Variants in HCN1 observed in about 807,000 individuals in gnomAD.
HCN1 encodes hyperpolarization activated cyclic nucleotide gated potassium channel 1, also known as potassium/sodium hyperpolarization-activated cyclic nucleotide-gated channel 1.
Under a neutral mutation model 78.9 loss-of-function variants are expected in HCN1, and 13 were observed. The observed-to-expected ratio is 0.16, with a 90% CI of 0.11 to 0.26. The LOEUF is 0.26. HCN1 is among the 10% of genes least tolerant of loss of function. The pLI is 1.00. For missense variants in HCN1, 810 were observed against 1,154.3 expected (o/e 0.70, Z 4.32); for synonymous variants, 552 against 455.5 (o/e 1.21, Z -2.70).
intron 2 of HCN1, among the ~76,000 whole-genome samples, chr5:45,608,142 A>T (rs1247773285): frequency 6.6e-6 from 1 of 152,016 alleles, no homozygotes; most frequent in Admixed American, 6.6e-5. Flanking sequence ...TCAGTATTAA[A>T]TATTTTGGAA....
In HCN1 at chr5:45,645,736, A is replaced by T. The variant is rs76055011; in HGVS notation, c.426-128T>A. 0.085 allele frequency: 49,943 copies of T among 584,530 alleles called. 2,796 individuals carry two copies. The highest frequency in any genetic ancestry group is 0.15 in the Middle Eastern group (319 of 2,156). 36.2% of individuals were successfully genotyped at this position (584,530 alleles called of 1,614,324 possible). On this transcript the variant is annotated intron_variant, in intron 1 of 7. Coordinates refer to ENST00000303230, the MANE Select transcript of HCN1 (RefSeq NM_021072.4). ...GAACAAAGAAATGATTTTATTTTTT[A>T]AAAATGTAATTCCTTAAATGGCTAT...
intron 3 of HCN1, among the ~76,000 whole-genome samples, chr5:45,403,927 A>G (rs1739870836): frequency 6.6e-6 from 1 of 152,196 alleles, no homozygotes; most frequent in Admixed American, 6.6e-5. Context: ...AAATTTTGTA[A>G]GTGGAAGATT....
intron 4 of HCN1, among the ~76,000 whole-genome samples, chr5:45,369,065 A>T (rs1747296012): frequency 6.6e-6 from 1 of 150,812 alleles, no homozygotes; most frequent in Non-Finnish European, 1.5e-5. Flanking sequence ...AGATTTTTAC[A>T]TAAATGGAAT....
At chr5:45,625,379 C>T (rs947996554) in intron 2 of HCN1, among the ~76,000 whole-genome samples, 4 of 152,036 alleles carry the variant, frequency 2.6e-5, no homozygotes, top group Non-Finnish European at 4.4e-5. Flanking sequence ...TGTCAGTCTG[C>T]CATTTCCTAG....
At chr5:45,477,758 CA>C (rs1159992190) in intron 2 of HCN1, among the ~76,000 whole-genome samples, 1 of 151,880 alleles carries the variant, frequency 6.6e-6, no homozygotes, top group African/African-American at 2.4e-5. Flanking sequence ...ATGTAAAGGG[CA>C]TAACATGTCT....
chr5:45,307,012 A>T (rs1266574018), intron 5 of HCN1, among the ~76,000 whole-genome samples: 1 of 152,118 alleles, frequency 6.6e-6, no homozygotes, highest in East Asian at 1.9e-4. Flanking sequence ...TGAAAAAACA[A>T]ACAGAAAGAC....
rs192141852 is a variant in HCN1 at position 45,488,528 on chromosome 5, A to G, written c.850-26521T>C. 3.1e-4 allele frequency among the ~76,000 whole-genome samples: 47 copies of G among 152,240 alleles called. 1 individual carries two copies. In the East Asian group the frequency reaches 6.9e-3, roughly 22 times the overall value. On this transcript the variant is annotated intron_variant, in intron 2 of 7. Coordinates refer to ENST00000303230, the MANE Select transcript of HCN1 (RefSeq NM_021072.4). ...GTCAGTTGTGCTTTCATTGAATTCC[A>G]TATAATATTGCTTTAAAAGATATAC...
At chr5:45,318,836 A>T (rs1561104162) in intron 5 of HCN1, among the ~76,000 whole-genome samples, 1 of 151,970 alleles carries the variant, frequency 6.6e-6, no homozygotes, top group East Asian at 1.9e-4. Context: ...AATTTCTCAG[A>T]AGGCTCCTTT....
chr5:45,581,880 A>G (rs181554961), intron 2 of HCN1, among the ~76,000 whole-genome samples: 261 of 152,174 alleles, frequency 1.7e-3, no homozygotes, highest in African/African-American at 5.6e-3. Flanking sequence ...ATTGGTCTAT[A>G]TTTCTGCTTT....
chr5:45,294,364 G>A (rs551625783), intron 6 of HCN1, among the ~76,000 whole-genome samples: 17 of 152,022 alleles, frequency 1.1e-4, no homozygotes, highest in South Asian at 4.1e-4. Flanking sequence ...CACAGCTTGC[G>A]AAATGTCCAT....
chr5:45,579,270 C>G (rs979548712), intron 2 of HCN1, among the ~76,000 whole-genome samples: 1 of 151,988 alleles, frequency 6.6e-6, no homozygotes, highest in Non-Finnish European at 1.5e-5. Flanking sequence ...TAATAGCTGA[C>G]TCAGATCAGT....
At chr5:45,669,365 T>C (rs937688413) in intron 1 of HCN1, among the ~76,000 whole-genome samples, 7 of 151,816 alleles carry the variant, frequency 4.6e-5, no homozygotes, top group African/African-American at 1.7e-4. Flanking sequence ...AATGATAATG[T>C]GAACATTTTG....
chr5:45,401,913 A>T (rs1300012698), intron 3 of HCN1, among the ~76,000 whole-genome samples: 2 of 152,076 alleles, frequency 1.3e-5, no homozygotes, highest in East Asian at 1.9e-4. Context: ...CCTTGTTTAA[A>T]AAACAAGGAC....
rs894970775 is a variant in HCN1, at chr5:45,337,257, A to AT, written c.1377+15842dup. Among the ~76,000 whole-genome samples the AT allele has an allele frequency of 8.5e-5, 13 of 152,156 alleles. No individual in the cohort carries two copies. In the South Asian group the frequency reaches 1.0e-3, roughly 12 times the overall value. On this transcript the variant is annotated intron_variant, in intron 5 of 7. Transcript: ENST00000303230. ...TTCTTCTTAAAGTTAAAAAGAAACT[A>AT]TTTTTTCACATAAAAATAGGATGTT...
At chr5:45,292,143 G>T (rs2111886509) in intron 6 of HCN1, among the ~76,000 whole-genome samples, 2 of 152,006 alleles carry the variant, frequency 1.3e-5, no homozygotes, top group East Asian at 3.9e-4. Context: ...CACTCTTAGG[G>T]ATATATTGGG....
chr5:45,595,009 C>T (rs1226397493), intron 2 of HCN1, among the ~76,000 whole-genome samples: 3 of 152,190 alleles, frequency 2.0e-5, no homozygotes, highest in East Asian at 3.9e-4. Context: ...GAACCTCTGT[C>T]ATGGAAAGTT....
At chr5:45,479,112 G>A (rs1051231683) in intron 2 of HCN1, among the ~76,000 whole-genome samples, 6 of 149,648 alleles carry the variant, frequency 4.0e-5, no homozygotes, top group Non-Finnish European at 7.4e-5. Context: ...GGGCTACAGA[G>A]CGAGACTGTT....
chr5:45,679,172 AAATGTTAGTT>A (rs1482809678), intron 1 of HCN1, among the ~76,000 whole-genome samples: 1 of 152,044 alleles, frequency 6.6e-6, no homozygotes. Context: ...CTCTGTGTTC[AAATGTTAGTT>A]TCTCCATTTA....
chr5:45,613,832 G>C (rs982213011), intron 2 of HCN1, among the ~76,000 whole-genome samples: 1 of 152,004 alleles, frequency 6.6e-6, no homozygotes, highest in Non-Finnish European at 1.5e-5. Flanking sequence ...CATATCAATA[G>C]TCATCACCAA....
Sources: allele counts gnomAD v4.1 joint callset (sites outside exome capture counted in the v4.1 genomes callset), GRCh38; gene constraint gnomAD v4.1.1; transcripts MANE v1.5; gene names NCBI Gene and HGNC (gene_info 2026-07-23, HGNC 2026-07-21).